Variants in CLASP1 observed in about 807,000 individuals in gnomAD.
CLASP1 encodes cytoplasmic linker associated protein 1, also known as CLIP-associating protein 1.
In CLASP1, 38 loss-of-function variants were observed where a neutral mutation model predicts 192.3. The observed-to-expected ratio is 0.20, with a 90% CI of 0.15 to 0.26. CLASP1 has a LOEUF of 0.26. Ranked by LOEUF, CLASP1 falls within the 10% of genes least tolerant of loss-of-function variation. The probability of loss-of-function intolerance (pLI) is 1.00; values close to 1 mark genes in which losing one functional copy is unlikely to be tolerated. For synonymous variants in CLASP1, 691 were observed against 712.8 expected (o/e 0.97, Z 0.49); for missense variants, 1,433 against 1,932.5 (o/e 0.74, Z 4.85).
chr2:121,606,451 G>A (rs56971864), intron 1 of CLASP1, among the ~76,000 whole-genome samples: 2,046 of 152,278 alleles, frequency 0.013, 42 homozygotes, highest in African/African-American at 0.046. Flanking sequence ...AAATGCACCA[G>A]ACAGGAAAGC....
intron 8 of CLASP1, among the ~76,000 whole-genome samples, chr2:121,490,592 G>T (rs893655148): frequency 4.6e-5 from 7 of 152,090 alleles, no homozygotes; most frequent in Admixed American, 4.6e-4. Flanking sequence ...TCAAGAAAAA[G>T]AATATTCCTA....
intron 8 of CLASP1, among the ~76,000 whole-genome samples, chr2:121,497,048 A>T (rs960866497): frequency 1.3e-5 from 2 of 149,776 alleles, no homozygotes; most frequent in African/African-American, 5.0e-5. Context: ...TAGAGATTAG[A>T]CTGGTAGTTA....
At chr2:121,530,896 G>T in intron 2 of CLASP1, 2 of 694,744 alleles carry the variant, frequency 2.9e-6, no homozygotes, top group Non-Finnish European at 2.6e-6. Context: ...CCTTTTCTTG[G>T]GGTTGCGCTA....
intron 15 of CLASP1, 95 bp from the exon 16 acceptor site, chr2:121,451,085 G>T: frequency 1.2e-6 from 1 of 843,828 alleles, no homozygotes; most frequent in South Asian, 1.5e-5. Context: ...ATGGCAACAT[G>T]GAGCTGGGAG....
chr2:121,416,310 T>C (rs2078566524), intron 23 of CLASP1, among the ~76,000 whole-genome samples: 1 of 152,194 alleles, frequency 6.6e-6, no homozygotes, highest in African/African-American at 2.4e-5. Flanking sequence ...AATCAAAAAT[T>C]ATCACCATAA....
chr2:121,404,485 GA>G (rs2076620664), intron 25 of CLASP1, 51 bp from the exon 27 acceptor site: 1 of 1,499,696 alleles, frequency 6.7e-7, no homozygotes, highest in African/African-American at 1.4e-5. Flanking sequence ...TATTATTTTT[GA>G]GACAGGGTCT....
At chr2:121,406,977 G>C (rs893297742) in intron 25 of CLASP1, among the ~76,000 whole-genome samples, 2 of 152,164 alleles carry the variant, frequency 1.3e-5, no homozygotes, top group African/African-American at 4.8e-5. Context: ...CAGCACTTTG[G>C]GGGGCAAAGG....
intron 7 of CLASP1, chr2:121,503,978 C>A (rs1424853352): frequency 1.3e-5 from 2 of 152,064 alleles, no homozygotes; most frequent in African/African-American, 4.8e-5. Context: ...TTACTGTAAT[C>A]CCAGCACTTT....
At position 121,553,136 on chromosome 2, in the gene CLASP1, A is replaced by G. The variant is rs542355700; in HGVS notation, c.196-22811T>C. The stretch of plus-strand genomic sequence containing the variant: ...GTTCTCACTTGTAAGTGGGAGATAA[A>G]TGATGAGAACACATGAACACAAAGA... On this transcript the variant is annotated intron_variant, in intron 2 of 39. Coordinates refer to ENST00000263710, the Ensembl canonical transcript of CLASP1. 2.6e-5 allele frequency among the ~76,000 whole-genome samples: 4 copies of G among 152,350 alleles called. No homozygotes were observed. In the South Asian group the frequency reaches 6.2e-4, roughly 24 times the overall value.
exon 2 of CLASP1, chr2:121,605,983 T>C: frequency 8.4e-7 from 1 of 1,194,046 alleles, no homozygotes; most frequent in Non-Finnish European, 1.2e-6. Context: ...GTTGCCTCTT[T>C]GTTCGCTGAA....
intron 2 of CLASP1, among the ~76,000 whole-genome samples, chr2:121,568,584 T>G (rs1395386328): frequency 2.0e-5 from 3 of 151,526 alleles, no homozygotes; most frequent in African/African-American, 7.3e-5. Flanking sequence ...AAAGGATTTT[T>G]CCACATAACT....
intron 5 of CLASP1, 72 bp downstream of exon 5, chr2:121,527,727 T>C (rs2094609191): frequency 8.4e-7 from 1 of 1,186,520 alleles, no homozygotes; most frequent in Non-Finnish European, 1.2e-6. Context: ...CCTGTAAATC[T>C]ATAATTATTT....
chr2:121,558,558 C>T (rs557333230), intron 2 of CLASP1, among the ~76,000 whole-genome samples: 1 of 152,286 alleles, frequency 6.6e-6, no homozygotes, highest in South Asian at 2.1e-4. Context: ...GAAGAGAAAC[C>T]TGAGCTAAAG....
At chr2:121,406,600 A>AT (rs942558069) in intron 25 of CLASP1, among the ~76,000 whole-genome samples, 44 of 151,522 alleles carry the variant, frequency 2.9e-4, no homozygotes, top group African/African-American at 8.0e-4. Flanking sequence ...TATTTTTTTT[A>AT]TTTTTTTTGA....
chr2:121,407,561 A>C, exon 25 of CLASP1: 1 of 1,613,918 alleles, frequency 6.2e-7, no homozygotes, highest in Non-Finnish European at 8.5e-7. Context: ...GTGGTTGAGA[A>C]CTTCTGCTAC....
chr2:121,363,374 G>A (rs1433632467), intron 36 of CLASP1, 74 bp from the exon 38 acceptor site: 25 of 1,576,292 alleles, frequency 1.6e-5, no homozygotes, highest in East Asian at 4.5e-5. Context: ...CAGCAGGGTC[G>A]GCAAGGCCAA....
chr2:121,482,876 C>T (rs971013032), intron 8 of CLASP1, among the ~76,000 whole-genome samples: 2 of 152,128 alleles, frequency 1.3e-5, no homozygotes, highest in African/African-American at 4.8e-5. Flanking sequence ...GTGTTAGTGC[C>T]TCAAACTCTC....
At chr2:121,428,772 G>C (rs1344091193) in intron 20 of CLASP1, among the ~76,000 whole-genome samples, 1 of 152,172 alleles carries the variant, frequency 6.6e-6, no homozygotes, top group Non-Finnish European at 1.5e-5. Flanking sequence ...CTTCAGCTAG[G>C]ATGGAAGTCT....
intron 2 of CLASP1, among the ~76,000 whole-genome samples, chr2:121,537,554 C>A (rs2095123240): frequency 6.6e-6 from 1 of 152,114 alleles, no homozygotes; most frequent in African/African-American, 2.4e-5. Context: ...GATACATTAG[C>A]TACATTGTTT....
Sources: gnomAD v4.1 joint callset for allele counts (sites outside exome capture counted in the v4.1 genomes callset) on GRCh38, gnomAD v4.1.1 for gene constraint, MANE v1.5 for transcripts, NCBI Gene and HGNC (gene_info 2026-07-23, HGNC 2026-07-21) for gene names.